ADAMTSL1: variants seen among roughly 807,000 people sequenced by gnomAD.
ADAMTSL1 encodes ADAMTS like 1, also known as ADAMTS-like protein 1.
Under a neutral mutation model 201.8 loss-of-function variants are expected in ADAMTSL1, and 126 were observed. That is an observed-to-expected ratio of 0.62 (90% confidence interval 0.54 to 0.72). The LOEUF is 0.72. Ranked by LOEUF, ADAMTSL1 falls within the 30% of genes least tolerant of loss-of-function variation. The probability of loss-of-function intolerance (pLI) is 0.00; values close to 1 mark genes in which losing one functional copy is unlikely to be tolerated. For missense variants in ADAMTSL1, 2,679 were observed against 2,277.8 expected, an observed-to-expected ratio of 1.18 and a Z score of -3.59; for synonymous variants, 1,121 against 903.4, an observed-to-expected ratio of 1.24 and a Z score of -4.32.
chr9:18,300,648 C>G, intron 2 of ADAMTSL1, among the ~76,000 whole-genome samples: 1 of 151,990 alleles, frequency 6.6e-6, no homozygotes, highest in East Asian at 1.9e-4. Context: ...ATTTCTAAAG[C>G]CGCTCTTCAT....
intron 1 of ADAMTSL1, among the ~76,000 whole-genome samples, chr9:18,138,443 AG>A (rs769161088): frequency 1.3e-5 from 2 of 152,306 alleles, no homozygotes; most frequent in South Asian, 4.1e-4. Flanking sequence ...AGGAGGCTGT[AG>A]GTTTGCAAAC....
At chr9:18,534,016 G>A (rs1042092198) in intron 3 of ADAMTSL1, among the ~76,000 whole-genome samples, 1 of 152,166 alleles carries the variant, frequency 6.6e-6, no homozygotes, top group Non-Finnish European at 1.5e-5. Context: ...CTGAGCACTA[G>A]TTTCACCAGA....
chr9:18,672,219 T>G (rs1023611768), intron 9 of ADAMTSL1, among the ~76,000 whole-genome samples: 7 of 151,868 alleles, frequency 4.6e-5, no homozygotes, highest in African/African-American at 1.7e-4. Flanking sequence ...GACTCTGTTC[T>G]AAAGTAGCAT....
chr9:17,962,976 G>A (rs923456316), intron 1 of ADAMTSL1, among the ~76,000 whole-genome samples: 1 of 152,224 alleles, frequency 6.6e-6, no homozygotes, highest in Non-Finnish European at 1.5e-5. Flanking sequence ...CAGGGCTTGG[G>A]GCCAGGAGAT....
At chr9:18,826,064 C>T (rs966303074) in intron 21 of ADAMTSL1, 5 of 618,232 alleles carry the variant, frequency 8.1e-6, no homozygotes, top group South Asian at 4.1e-5. Context: ...AGATGTTTAT[C>T]TTGTATCAAC....
intron 2 of ADAMTSL1, among the ~76,000 whole-genome samples, chr9:18,171,559 C>T (rs924488268): frequency 1.3e-5 from 2 of 152,002 alleles, no homozygotes; most frequent in Admixed American, 1.3e-4. Flanking sequence ...ATATGAAGAA[C>T]TCCTAGATTT....
intron 17 of ADAMTSL1, among the ~76,000 whole-genome samples, chr9:18,772,290 A>C (rs1282764927): frequency 2.6e-5 from 4 of 152,122 alleles, no homozygotes; most frequent in Non-Finnish European, 5.9e-5. Context: ...TGAGGAAGGG[A>C]CTTGTGTGTG....
chr9:18,208,331 A>G (rs1563808707), intron 2 of ADAMTSL1, among the ~76,000 whole-genome samples: 2 of 152,158 alleles, frequency 1.3e-5, no homozygotes, highest in African/African-American at 2.4e-5. Context: ...CAAAATAAAC[A>G]CAAGGGAACT....
At chr9:18,502,856 C>T (rs1163658931) in intron 1 of ADAMTSL1, among the ~76,000 whole-genome samples, 1 of 151,950 alleles carries the variant, frequency 6.6e-6, no homozygotes, top group South Asian at 2.1e-4. Context: ...AAGCCTGGTG[C>T]CTTATCAGTG....
chr9:18,520,123 A>G (rs1457307007), intron 2 of ADAMTSL1, among the ~76,000 whole-genome samples: 1 of 152,232 alleles, frequency 6.6e-6, no homozygotes, highest in Admixed American at 6.5e-5. Context: ...GACAAACTCC[A>G]CAATTCAGCC....
rs1450848628 is a variant in ADAMTSL1 at position 18,287,631 on chromosome 9, GCATATATGTATGTGTATACATATACA to G, written c.207+123673_207+123698del. On this transcript the variant is annotated intron_variant, in intron 2 of 29. Coordinates refer to the ADAMTSL1 transcript ENST00000680146. Reference sequence around the variant, plus strand: ...CATATATGTATGTGTATACATATACGCATATATGTATGTGTATACATATACACATATATGTATGTGTATACATACAT... The same window carrying G: ...CATATATGTATGTGTATACATATACGCATATATGTATGTGTATACATACAT... Among the ~76,000 whole-genome samples the G allele has an allele frequency of 6.5e-4, 75 of 115,454 alleles. 1 individual carries two copies. The highest frequency in any genetic ancestry group is 4.9e-4 in the South Asian group (2 of 4,110). The allele number at this position is 115,454 out of a possible 152,430, so 75.7% of individuals were successfully genotyped here.
chr9:18,652,326 T>C (rs1828336825), intron 7 of ADAMTSL1, among the ~76,000 whole-genome samples: 2 of 136,906 alleles, frequency 1.5e-5, no homozygotes, highest in South Asian at 2.2e-4. Context: ...GATTGCACCA[T>C]TGTACTCCAG....
chr9:18,407,754 G>A (rs940846050), intron 2 of ADAMTSL1, among the ~76,000 whole-genome samples: 3 of 152,144 alleles, frequency 2.0e-5, no homozygotes, highest in Non-Finnish European at 4.4e-5. Context: ...GAAGTCAAAA[G>A]GTGAAAAGAG....
At chr9:18,810,160 C>T (rs568042714) in intron 20 of ADAMTSL1, among the ~76,000 whole-genome samples, 1 of 152,110 alleles carries the variant, frequency 6.6e-6, no homozygotes, top group Non-Finnish European at 1.5e-5. Flanking sequence ...TTACTATGCT[C>T]AACAATCATT....
chr9:17,927,416 A>G (rs1047123706), intron 1 of ADAMTSL1, among the ~76,000 whole-genome samples: 4 of 151,212 alleles, frequency 2.6e-5, no homozygotes, highest in African/African-American at 7.3e-5. Context: ...ATGTATGTGT[A>G]TATACATGTA....
At chr9:18,622,548 C>G in intron 5 of ADAMTSL1, 179 bp downstream of exon 5, 1 of 873,018 alleles carries the variant, frequency 1.1e-6, no homozygotes, top group Non-Finnish European at 1.7e-6. Context: ...AGTCAGGTTA[C>G]CAGCTGCAGT....
At chr9:17,936,679 G>C (rs1220283576) in intron 1 of ADAMTSL1, among the ~76,000 whole-genome samples, 1 of 152,112 alleles carries the variant, frequency 6.6e-6, no homozygotes, top group African/African-American at 2.4e-5. Flanking sequence ...CCACCACACA[G>C]GAATACCAGA....
At chr9:18,021,636 G>A (rs1315284303) in intron 1 of ADAMTSL1, among the ~76,000 whole-genome samples, 1 of 152,014 alleles carries the variant, frequency 6.6e-6, no homozygotes, top group Non-Finnish European at 1.5e-5. Flanking sequence ...TGTTTATTAT[G>A]GAATAAAAGT....
At chr9:18,131,863 TA>T (rs1191331353) in intron 1 of ADAMTSL1, among the ~76,000 whole-genome samples, 1 of 152,066 alleles carries the variant, frequency 6.6e-6, no homozygotes, top group African/African-American at 2.4e-5. Flanking sequence ...TTCATCTATT[TA>T]AAAAAAATGT....
Sources: allele counts gnomAD v4.1 joint callset (sites outside exome capture counted in the v4.1 genomes callset), GRCh38; gene constraint gnomAD v4.1.1; transcripts MANE v1.5; gene names NCBI Gene and HGNC (gene_info 2026-07-23, HGNC 2026-07-21).